The following SNPH variants were observed in gnomAD, a reference collection of about 807,000 sequenced individuals.
SNPH encodes the protein syntaphilin.
A neutral mutation model predicts 36.8 loss-of-function variants in SNPH; 10 were observed. That is an observed-to-expected ratio of 0.27 (90% CI 0.17 to 0.46). SNPH has a LOEUF of 0.46. Among genes scored for constraint, SNPH ranks in the 20% least tolerant of loss-of-function variants. The pLI is 1.00. For synonymous variants in SNPH, 281 were observed against 312.2 expected (o/e 0.90, Z 1.05); for missense variants, 622 against 744.0 (o/e 0.84, Z 1.91).
At chr20:1,282,275 A>T (rs1255947618) in intron 2 of SNPH, among the ~76,000 whole-genome samples, 3 of 152,242 alleles carry the variant, frequency 2.0e-5, no homozygotes, top group Admixed American at 1.3e-4. Context: ...ATTCACAAAG[A>T]TACCTATTGT....
chr20:1,277,990 G>A (rs1165632854), intron 2 of SNPH, among the ~76,000 whole-genome samples: 2 of 148,916 alleles, frequency 1.3e-5, no homozygotes, highest in Non-Finnish European at 3.0e-5. Context: ...TGTGTGGCGT[G>A]TCTGTGTGTC....
chr20:1,290,004 G>C (rs908988070), intron 2 of SNPH, among the ~76,000 whole-genome samples: 7 of 151,874 alleles, frequency 4.6e-5, no homozygotes, highest in African/African-American at 1.7e-4. Context: ...TGAGGCCAGG[G>C]GTTCAAGACC....
intron 2 of SNPH, among the ~76,000 whole-genome samples, chr20:1,268,456 C>G (rs901093025): frequency 4.8e-4 from 73 of 152,294 alleles, no homozygotes; most frequent in African/African-American, 1.7e-3. Flanking sequence ...ATCTTCCTTC[C>G]TGCTGTCATT....
chr20:1,301,367 G>A (rs76794623), intron 6 of SNPH, among the ~76,000 whole-genome samples: 2,568 of 152,250 alleles, frequency 0.017, 56 homozygotes, highest in African/African-American at 0.059. Context: ...ACTTCAGGGC[G>A]TCGATCTCCC....
intron 2 of SNPH, among the ~76,000 whole-genome samples, chr20:1,273,440 C>T (rs937502574): frequency 6.6e-6 from 1 of 152,180 alleles, no homozygotes; most frequent in African/African-American, 2.4e-5. Flanking sequence ...GAAGTATTTA[C>T]AACCATTCAT....
chr20:1,297,958 T>C (rs536511333), intron 5 of SNPH, among the ~76,000 whole-genome samples: 2 of 152,342 alleles, frequency 1.3e-5, no homozygotes, highest in South Asian at 4.1e-4. Context: ...ATGCAGCAGA[T>C]GCCAAGTTGT....
In SNPH at chr20:1,304,526, G is replaced by C. The variant is rs2088542036; in HGVS notation, c.441-352G>C. Among the ~76,000 whole-genome samples the C allele has an allele frequency of 6.6e-6, 1 of 151,600 alleles. No homozygotes were observed. The highest frequency in any genetic ancestry group is 2.1e-4 in the South Asian group (1 of 4,804). On this transcript the variant is annotated intron_variant, in intron 6 of 6. Transcript: ENST00000381867. The surrounding 1 kb of genome is among the most constrained non-coding windows in gnomAD (Gnocchi z 4.3). ...ATAGCAGTAGCTATAAAACTTATGA[G>C]CATCTTTGTTGTCTAGTCTCTTCTC...
At chr20:1,283,347 G>A (rs1399511398) in intron 2 of SNPH, among the ~76,000 whole-genome samples, 2 of 152,070 alleles carry the variant, frequency 1.3e-5, no homozygotes, top group Non-Finnish European at 2.9e-5. Flanking sequence ...CCACCCCCAC[G>A]CTGACCTCAG....
chr20:1,297,072 T>G, intron 4 of SNPH, 73 bp from the exon 5 acceptor site: 4 of 1,525,636 alleles, frequency 2.6e-6, no homozygotes, highest in Non-Finnish European at 3.5e-6. Context: ...CGCAGCGGCC[T>G]GGCAGTGTTC....
At chr20:1,269,773 C>G (rs573631447) in intron 2 of SNPH, among the ~76,000 whole-genome samples, 1 of 152,264 alleles carries the variant, frequency 6.6e-6, no homozygotes, top group East Asian at 1.9e-4. Flanking sequence ...GAATGACAGT[C>G]AGGACAGACA....
At chr20:1,274,594 CT>C (rs2088109849) in intron 2 of SNPH, among the ~76,000 whole-genome samples, 1 of 152,074 alleles carries the variant, frequency 6.6e-6, no homozygotes, top group Non-Finnish European at 1.5e-5. Flanking sequence ...GAAAGAATAG[CT>C]GTAGGTTGAG....
intron 2 of SNPH, among the ~76,000 whole-genome samples, chr20:1,289,193 T>A (rs1044342239): frequency 6.6e-6 from 1 of 152,184 alleles, no homozygotes; most frequent in African/African-American, 2.4e-5. Context: ...TTGGTGACTC[T>A]TGTAACCTCT....
intron 2 of SNPH, among the ~76,000 whole-genome samples, chr20:1,267,248 C>T (rs993576931): frequency 6.0e-5 from 9 of 151,046 alleles, no homozygotes; most frequent in African/African-American, 2.2e-4. Context: ...GCCCATAAGT[C>T]CTAGAGTGGA....
rs1477805266 is a variant in SNPH, at chr20:1,306,972, G to A, written c.*918G>A. 6.6e-6 allele frequency: 1 copy of A among 152,466 alleles called. No individual in the cohort carries two copies. The highest frequency in any genetic ancestry group is 6.5e-5 in the Admixed American group (1 of 15,288). The allele number at this position is 152,466 out of a possible 1,614,324, so 9.4% of individuals were successfully genotyped here. A position where few individuals can be genotyped will look rare whatever the true frequency, so the allele number is the denominator to read the frequency against. ...ATCTCATCTGCAGGCTGGGAGGCAG[G>A]GCTGGACTCAGGAACCCACAGCTTA... is the stretch of plus-strand genomic sequence containing the variant. On this transcript the variant is annotated 3_prime_UTR_variant, in exon 7 of 7. Transcript: ENST00000381867.
intron 2 of SNPH, among the ~76,000 whole-genome samples, chr20:1,277,798 C>T (rs1407376755): frequency 2.4e-4 from 15 of 61,634 alleles, no homozygotes; most frequent in African/African-American, 3.9e-4. Flanking sequence ...TGTATGTGTG[C>T]CTGTGTGTGT....
chr20:1,266,620 CG>C lies in SNPH; in HGVS notation c.-599-33del. The C allele has an allele frequency of 6.8e-7, 1 of 1,466,858 alleles. No individual in the cohort carries two copies. The highest frequency in any genetic ancestry group is 1.4e-5 in the South Asian group (1 of 73,192). The allele number at this position is 1,466,858 out of a possible 1,614,324, so 90.9% of individuals were successfully genotyped here. On this transcript the variant is annotated intron_variant, in intron 1 of 6. Coordinates refer to ENST00000381867, the MANE Select transcript of SNPH (RefSeq NM_001318234.2). This position sits in a 1 kb window ranked among gnomAD's most constrained non-coding sequence, Gnocchi z 6.0. Reference sequence around the variant, plus strand: ...TGGGTGTTCCCCGCCCGCGCTCACCCGCCCCGGTCTATCTCTTTTTCCTAAC... The same window carrying C: ...TGGGTGTTCCCCGCCCGCGCTCACCCCCCCGGTCTATCTCTTTTTCCTAAC...
Position 1,305,516 on chromosome 20 carries a change from C to T in SNPH, c.1079C>T (p.Thr360Ile), listed in dbSNP as rs2088562237. The change falls in exon 7 of 7, where the codon ACA (threonine) becomes ATA (isoleucine). Residue 360 changes from threonine to isoleucine, a missense_variant. This residue lies in a region of SNPH where 379 missense variants were observed against 427.9 expected (regional missense o/e 0.89). Transcript: ENST00000381867. ...TGCATGCAGGAGCGTGCCATCCAGA[C>T]AGACTTCGTGCAGTACCAGCCTGAC... ...ASCMQERAIQ[T>I]DFVQYQPDLD... 1 of 1,613,212 alleles carries T rather than the reference C, an allele frequency of 6.2e-7. No individual in the cohort carries two copies. The highest frequency in any genetic ancestry group is 8.5e-7 in the Non-Finnish European group (1 of 1,179,960).
At chr20:1,302,683 A>C (rs966217912) in intron 6 of SNPH, among the ~76,000 whole-genome samples, 1 of 152,178 alleles carries the variant, frequency 6.6e-6, no homozygotes, top group Non-Finnish European at 1.5e-5. Context: ...TTCTGTCTCT[A>C]TGGATTTGTC....
intron 2 of SNPH, among the ~76,000 whole-genome samples, chr20:1,289,604 A>T (rs548373770): frequency 8.7e-4 from 131 of 151,074 alleles, no homozygotes; most frequent in Middle Eastern, 3.4e-3. Flanking sequence ...CCAGCAACTC[A>T]GGAGGTGACG....
Sources: allele counts gnomAD v4.1 joint callset (sites outside exome capture counted in the v4.1 genomes callset), GRCh38; gene constraint gnomAD v4.1.1; regional missense constraint gnomAD v4.1.1; non-coding constraint Gnocchi (gnomAD v3.1); transcripts MANE v1.5; gene names NCBI Gene and HGNC (gene_info 2026-07-23, HGNC 2026-07-21).